PLD5: variants seen among roughly 807,000 people sequenced by gnomAD.
PLD5 encodes the protein inactive phospholipase D5.
Under a neutral mutation model 61.1 loss-of-function variants are expected in PLD5, and 36 were observed. The ratio of observed to expected loss-of-function variants is 0.59; its 90% CI spans 0.45 to 0.78. PLD5 has a LOEUF of 0.78. Ranked by LOEUF, PLD5 falls within the 30% of genes least tolerant of loss-of-function variation. PLD5 has a pLI of 0.00. For missense variants in PLD5, 515 were observed against 644.4 expected, an observed-to-expected ratio of 0.80 and a Z score of 2.17; for synonymous variants, 243 against 242.8, an observed-to-expected ratio of 1.00 and a Z score of -0.01.
chr1:242,517,074 T>C (rs1306809351), intron 1 of PLD5, among the ~76,000 whole-genome samples: 1 of 149,386 alleles, frequency 6.7e-6, no homozygotes, highest in African/African-American at 2.6e-5. Flanking sequence ...CCAGTGACAG[T>C]ATTAATTCAT....
At chr1:242,308,962 C>T (rs4123229) in intron 2 of PLD5, among the ~76,000 whole-genome samples, 135,311 of 151,946 alleles carry the variant, frequency 0.89, 60,379 homozygotes, top group East Asian at 0.95. Context: ...GAAGGAGGAG[C>T]GGGGACGTAA....
chr1:242,524,265 C>A lies in PLD5; in HGVS notation c.12G>T (p.Arg4=). Residue 4 remains arginine, a synonymous_variant, in exon 1 of 10, where the codon CGG becomes CGT. Coordinates refer to ENST00000536534, the MANE Select transcript of PLD5 (RefSeq NM_001372062.1). ...GGGAGGCCGAGAGCCACTCGTGCTG[C>A]CGGATCTCCATCCTGACATGACCGG... The part of the protein sequence containing the change: MEI[R]QHEWLSASPH... 6.7e-7 allele frequency: 1 copy of A among 1,482,596 alleles called. No individual in the cohort carries two copies. Among genetic ancestry groups the A allele is most frequent in the Non-Finnish European group, 8.9e-7 (1 of 1,120,980 alleles). 91.8% of individuals were successfully genotyped at this position (1,482,596 alleles called of 1,614,324 possible).
At chr1:242,240,954 G>A (rs555401374) in intron 4 of PLD5, among the ~76,000 whole-genome samples, 6 of 152,284 alleles carry the variant, frequency 3.9e-5, no homozygotes, top group Non-Finnish European at 7.4e-5. Flanking sequence ...TGTAAAAGGT[G>A]TAACTACAAC....
At chr1:242,520,838 G>A (rs1669257197) in intron 1 of PLD5, among the ~76,000 whole-genome samples, 1 of 152,180 alleles carries the variant, frequency 6.6e-6, no homozygotes, top group Non-Finnish European at 1.5e-5. Context: ...GGATTAGAGG[G>A]TTTGGAAGTA....
chr1:242,331,334 G>A (rs1344213712), intron 2 of PLD5, among the ~76,000 whole-genome samples: 6 of 152,062 alleles, frequency 3.9e-5, no homozygotes, highest in African/African-American at 1.4e-4. Flanking sequence ...ACATCTTTAG[G>A]ATTAAACATG....
intron 2 of PLD5, among the ~76,000 whole-genome samples, chr1:242,312,113 G>T: frequency 6.6e-6 from 1 of 151,466 alleles, no homozygotes; most frequent in East Asian, 1.9e-4. Context: ...TTCTTTTCTT[G>T]ATTTCCTTTA....
chr1:242,429,527 A>AT (rs1318651261), intron 1 of PLD5, among the ~76,000 whole-genome samples: 1 of 152,192 alleles, frequency 6.6e-6, no homozygotes, highest in African/African-American at 2.4e-5. Context: ...GATTACAGGC[A>AT]TGAGCCACAA....
rs371989629 is a variant in PLD5 at position 242,270,941 on chromosome 1, T to C, written c.496-5493A>G. 2.0e-3 allele frequency among the ~76,000 whole-genome samples: 310 copies of C among 152,190 alleles called. 1 individual carries two copies. The highest frequency in any genetic ancestry group is 7.1e-3 in the African/African-American group (294 of 41,508). Reference sequence around the variant, plus strand: ...AGAGAACCAATTACAAGAAGGAAGATGCTTAACACAATGGGGACCTGGTGA... The same window carrying C: ...AGAGAACCAATTACAAGAAGGAAGACGCTTAACACAATGGGGACCTGGTGA... On this transcript the variant is annotated intron_variant, in intron 3 of 9. Coordinates refer to ENST00000536534, the MANE Select transcript of PLD5 (RefSeq NM_001372062.1).
intron 4 of PLD5, among the ~76,000 whole-genome samples, chr1:242,248,236 C>A (rs557334541): frequency 6.6e-6 from 1 of 152,322 alleles, no homozygotes; most frequent in South Asian, 2.1e-4. Context: ...AACGAGACAG[C>A]AATCATGTTG....
intron 1 of PLD5, among the ~76,000 whole-genome samples, chr1:242,366,800 T>C (rs1661367569): frequency 6.6e-6 from 1 of 152,240 alleles, no homozygotes. Context: ...ACATGTTCAA[T>C]AAATATTTGT....
rs543618971 is a variant in PLD5, at chr1:242,509,653, T to C, written c.189+14435A>G. Among the ~76,000 whole-genome samples the C allele has an allele frequency of 1.1e-3, 172 of 152,332 alleles. 1 individual carries two copies. The highest frequency in any genetic ancestry group is 3.9e-3 in the African/African-American group (164 of 41,580). ...ACCTTCAACAAAGCTCTGGGGATTG[T>C]TGTCTTCTTATTACCTCATTTTGTA... On this transcript the variant is annotated intron_variant, in intron 1 of 9. Coordinates refer to ENST00000536534, the MANE Select transcript of PLD5 (RefSeq NM_001372062.1).
chr1:242,324,804 A>T (rs1193702619), intron 2 of PLD5, among the ~76,000 whole-genome samples: 1 of 152,158 alleles, frequency 6.6e-6, no homozygotes, highest in Non-Finnish European at 1.5e-5. Context: ...GGCCCCACCC[A>T]GACCAGTTAA....
At chr1:242,488,868 G>A (rs960810829) in intron 1 of PLD5, among the ~76,000 whole-genome samples, 7 of 152,034 alleles carry the variant, frequency 4.6e-5, no homozygotes, top group Non-Finnish European at 7.4e-5. Context: ...TGTACTTTCT[G>A]TTCAATTTTT....
chr1:242,333,288 A>G (rs1659301536), intron 2 of PLD5, among the ~76,000 whole-genome samples: 4 of 152,258 alleles, frequency 2.6e-5, no homozygotes, highest in Admixed American at 2.0e-4. Flanking sequence ...CCAAGGCTTC[A>G]GATGAATTTG....
At chr1:242,293,006 G>A (rs1263218375) in intron 2 of PLD5, among the ~76,000 whole-genome samples, 2 of 152,076 alleles carry the variant, frequency 1.3e-5, no homozygotes, top group African/African-American at 2.4e-5. Context: ...TAAAAAAGGG[G>A]TAAGAAGCCC....
At chr1:242,133,745 A>C (rs1325660648) in intron 5 of PLD5, among the ~76,000 whole-genome samples, 1 of 152,226 alleles carries the variant, frequency 6.6e-6, no homozygotes, top group Non-Finnish European at 1.5e-5. Context: ...AGGAATTCAC[A>C]CAACAATTCT....
chr1:242,484,288 T>C (rs554066789), intron 1 of PLD5, among the ~76,000 whole-genome samples: 1 of 152,044 alleles, frequency 6.6e-6, no homozygotes, highest in South Asian at 2.1e-4. Flanking sequence ...TTTTGAAAGA[T>C]CAACAAAATT....
chr1:242,201,865 T>G (rs1266564931), intron 5 of PLD5, among the ~76,000 whole-genome samples: 1 of 152,140 alleles, frequency 6.6e-6, no homozygotes, highest in African/African-American at 2.4e-5. Context: ...GGTACCAAAT[T>G]GATGGAGGCC....
chr1:242,524,308 G>A lies in PLD5; in HGVS notation c.-32C>T, dbSNP rs546191273. 5 of 1,380,470 alleles carry A rather than the reference G, an allele frequency of 3.6e-6. No homozygotes were observed. The highest frequency in any genetic ancestry group is 3.5e-5 in the Admixed American group (1 of 28,228). 85.5% of individuals were successfully genotyped at this position (1,380,470 alleles called of 1,614,324 possible). On this transcript the variant is annotated 5_prime_UTR_variant, in exon 1 of 10. Coordinates refer to ENST00000536534, the MANE Select transcript of PLD5 (RefSeq NM_001372062.1). ...ATGACCGGGCGGCCGCCGGCGAGCA[G>A]CGGACTCGGGACGGGCGCGCGGGGA...
Sources: gnomAD v4.1 joint callset for allele counts (sites outside exome capture counted in the v4.1 genomes callset) on GRCh38, gnomAD v4.1.1 for gene constraint, MANE v1.5 for transcripts, NCBI Gene and HGNC (gene_info 2026-07-23, HGNC 2026-07-21) for gene names.